Variants in KCND3 observed in about 807,000 individuals in gnomAD.
KCND3 encodes A-type voltage-gated potassium channel KCND3.
KCND3 carries 9 observed loss-of-function variants against 51.1 expected under a neutral mutation model. That is an observed-to-expected ratio of 0.18 (90% CI 0.11 to 0.31). The LOEUF (loss-of-function observed/expected upper bound fraction) is 0.31. KCND3 is among the 10% of genes least tolerant of loss of function. KCND3 has a pLI of 1.00. For missense variants in KCND3, 526 were observed against 903.8 expected, an observed-to-expected ratio of 0.58 and a Z score of 5.36; for synonymous variants, 349 against 368.0, an observed-to-expected ratio of 0.95 and a Z score of 0.59.
intron 2 of KCND3, among the ~76,000 whole-genome samples, chr1:111,959,067 G>A (rs886778327): frequency 1.3e-5 from 2 of 152,196 alleles, no homozygotes; most frequent in Admixed American, 6.5e-5. Flanking sequence ...CAGCCAGACT[G>A]CATAACAGTT....
intron 2 of KCND3, among the ~76,000 whole-genome samples, chr1:111,814,899 C>T (rs1300588244): frequency 6.6e-6 from 1 of 152,208 alleles, no homozygotes; most frequent in African/African-American, 2.4e-5. Context: ...TCTGCTCAGC[C>T]ATATTAAGGA....
rs530701199 is a variant in KCND3, at chr1:111,950,382, T to C, written c.1106+31239A>G. Among the ~76,000 whole-genome samples, 11 of 152,320 alleles carry C rather than the reference T, an allele frequency of 7.2e-5. No homozygotes were observed. In the East Asian group the frequency reaches 2.1e-3, roughly 29 times the overall value. ...CAACACCACCTTCCGCCTGTCCTTG[T>C]GGTAGCACTTTTGCCCTGCCCCGGA... On this transcript the variant is annotated intron_variant, in intron 2 of 7. Coordinates refer to ENST00000302127, the MANE Select transcript of KCND3 (RefSeq NM_001378969.1).
chr1:111,917,898 A>C (rs1671297645), intron 2 of KCND3, among the ~76,000 whole-genome samples: 1 of 152,224 alleles, frequency 6.6e-6, no homozygotes, highest in African/African-American at 2.4e-5. Context: ...AGGCACATTT[A>C]TGAGAAGGAT....
In KCND3 at chr1:111,881,982, G is replaced by A. The variant is rs542832402; in HGVS notation, c.1107-94876C>T. 4.6e-5 allele frequency among the ~76,000 whole-genome samples: 7 copies of A among 152,262 alleles called. No homozygotes were observed. The East Asian group carries it at 1.4e-3, about 29-fold the overall frequency. On this transcript the variant is annotated intron_variant, in intron 2 of 7. Transcript: ENST00000302127. ...TGTTAATGATCAGGTTTATTCCTGG[G>A]AACGGAACACCATGGGACCCTGGTG...
intron 2 of KCND3, among the ~76,000 whole-genome samples, chr1:111,822,083 C>CT (rs11291205): frequency 3.9e-4 from 58 of 146,880 alleles, no homozygotes; most frequent in African/African-American, 1.1e-3. Flanking sequence ...AGCAGTCTTT[C>CT]TTTTTTTTTT....
At chr1:111,906,577 G>T (rs1434437934) in intron 2 of KCND3, among the ~76,000 whole-genome samples, 1 of 152,146 alleles carries the variant, frequency 6.6e-6, no homozygotes, top group East Asian at 1.9e-4. Flanking sequence ...AGCCAAATAA[G>T]CAACTTGATT....
At chr1:111,909,322 G>C (rs975159335) in intron 2 of KCND3, 1 of 152,218 alleles carries the variant, frequency 6.6e-6, no homozygotes, top group Non-Finnish European at 1.5e-5. Context: ...CCAACTGCCA[G>C]AGCTGAGCGG....
At chr1:111,840,040 G>A (rs1183822265) in intron 2 of KCND3, among the ~76,000 whole-genome samples, 1 of 152,180 alleles carries the variant, frequency 6.6e-6, no homozygotes, top group Non-Finnish European at 1.5e-5. Flanking sequence ...AGCAGATGTG[G>A]TGTCCAGCGA....
intron 2 of KCND3, among the ~76,000 whole-genome samples, chr1:111,790,845 A>G (rs985527659): frequency 9.9e-5 from 15 of 152,256 alleles, no homozygotes; most frequent in African/African-American, 3.1e-4. Flanking sequence ...CTCATGTCTG[A>G]CTTCTTTCAC....
intron 2 of KCND3, among the ~76,000 whole-genome samples, chr1:111,805,015 A>G (rs34684768): frequency 0.11 from 17,281 of 152,188 alleles, 1,117 homozygotes; most frequent in East Asian, 0.27. Flanking sequence ...CGGGTGAAGC[A>G]CAGGGAGATC....
At chr1:111,963,965 G>C (rs907018640) in intron 2 of KCND3, among the ~76,000 whole-genome samples, 5 of 152,214 alleles carry the variant, frequency 3.3e-5, no homozygotes, top group African/African-American at 1.2e-4. Flanking sequence ...TCAGGATTCA[G>C]AGGGAATTAG....
chr1:111,914,632 G>A (rs1671109515), intron 2 of KCND3, among the ~76,000 whole-genome samples: 1 of 152,016 alleles, frequency 6.6e-6, no homozygotes, highest in Admixed American at 6.6e-5. Context: ...GTACTGAAAA[G>A]GAAAAAAACC....
At chr1:111,924,269 A>AAT (rs1671600175) in intron 2 of KCND3, among the ~76,000 whole-genome samples, 1 of 152,210 alleles carries the variant, frequency 6.6e-6, no homozygotes. Context: ...CACACGAACA[A>AAT]ATAATTATGA....
At chr1:111,989,405 G>C (rs1175403077) in intron 1 of KCND3, among the ~76,000 whole-genome samples, 100 bp downstream of exon 1, 1 of 152,074 alleles carries the variant, frequency 6.6e-6, no homozygotes, top group Non-Finnish European at 1.5e-5. Context: ...ACCCGGGCGC[G>C]GGAGTGGGAG....
chr1:111,958,100 C>T (rs900667921), intron 2 of KCND3, among the ~76,000 whole-genome samples: 5 of 152,114 alleles, frequency 3.3e-5, no homozygotes, highest in Admixed American at 1.3e-4. Context: ...GGGACCCTGC[C>T]CAGTGACCTA....
intron 2 of KCND3, among the ~76,000 whole-genome samples, chr1:111,923,748 T>A (rs765046581): frequency 1.3e-5 from 2 of 152,160 alleles, no homozygotes; most frequent in African/African-American, 2.4e-5. Flanking sequence ...AGCTCTAAGC[T>A]CCTCAGCAGA....
intron 2 of KCND3, among the ~76,000 whole-genome samples, chr1:111,864,899 G>GA (rs1484909558): frequency 6.6e-6 from 1 of 152,176 alleles, no homozygotes; most frequent in Non-Finnish European, 1.5e-5. Flanking sequence ...GGCATAGAAG[G>GA]AGACAAATAT....
At chr1:111,802,404 C>A (rs1343662412) in intron 2 of KCND3, among the ~76,000 whole-genome samples, 2 of 152,250 alleles carry the variant, frequency 1.3e-5, no homozygotes, top group Admixed American at 1.3e-4. Flanking sequence ...GGGTACAAGA[C>A]AATGTCATGC....
intron 2 of KCND3, among the ~76,000 whole-genome samples, chr1:111,791,361 G>A (rs755720): frequency 0.16 from 24,738 of 152,196 alleles, 2,167 homozygotes; most frequent in Admixed American, 0.22. Flanking sequence ...AGCCGATGCT[G>A]CAACAAGCAA....
Sources: gnomAD v4.1 joint callset for allele counts (sites outside exome capture counted in the v4.1 genomes callset) on GRCh38, gnomAD v4.1.1 for gene constraint, MANE v1.5 for transcripts, NCBI Gene and HGNC (gene_info 2026-07-23, HGNC 2026-07-21) for gene names.